PKHD1: variants seen among roughly 807,000 people sequenced by gnomAD.
PKHD1 encodes PKHD1 ciliary IPT domain containing fibrocystin/polyductin.
PKHD1 carries 291 observed loss-of-function variants against 412.0 expected under a neutral mutation model. The observed-to-expected ratio is 0.71, with a 90% CI of 0.64 to 0.78. The LOEUF (loss-of-function observed/expected upper bound fraction) is 0.78, where lower values mean the gene tolerates loss of function less well. PKHD1 is among the 30% of genes least tolerant of loss of function. The pLI is 0.00. For synonymous variants in PKHD1, 1,777 were observed against 1,821.5 expected (o/e 0.98, Z 0.62); for missense variants, 4,825 against 4,950.7 (o/e 0.97, Z 0.76).
chr6:51,810,164 CAAATGCTTTTAAAA>C (rs1208190465), intron 52 of PKHD1, among the ~76,000 whole-genome samples: 3 of 151,968 alleles, frequency 2.0e-5, no homozygotes, highest in Admixed American at 1.3e-4. Flanking sequence ...AGAAATTTAT[CAAATGCTTTTAAAA>C]AAATTGATTT....
intron 16 of PKHD1, among the ~76,000 whole-genome samples, chr6:52,057,687 T>C (rs1807975176): frequency 6.6e-6 from 1 of 152,344 alleles, no homozygotes; most frequent in African/African-American, 2.4e-5. Context: ...AGTGCTGGGA[T>C]TACATGCGTG....
chr6:51,921,697 C>T (rs1784736038), intron 37 of PKHD1, among the ~76,000 whole-genome samples: 1 of 152,042 alleles, frequency 6.6e-6, no homozygotes, highest in Non-Finnish European at 1.5e-5. Context: ...TCACTGATAC[C>T]CTTTCTTCCA....
At chr6:51,704,672 G>A (rs1307220577) in intron 60 of PKHD1, among the ~76,000 whole-genome samples, 1 of 152,030 alleles carries the variant, frequency 6.6e-6, no homozygotes, top group Non-Finnish European at 1.5e-5. Flanking sequence ...ACTAATTTGG[G>A]AGACTGGGTG....
intron 22 of PKHD1, among the ~76,000 whole-genome samples, chr6:52,049,648 G>T (rs965204897): frequency 6.6e-6 from 1 of 152,136 alleles, no homozygotes; most frequent in Non-Finnish European, 1.5e-5. Context: ...GCTAGAAATG[G>T]TTATTATGAA....
chr6:52,045,377 T>G (rs1346977692), intron 24 of PKHD1, among the ~76,000 whole-genome samples: 1 of 152,210 alleles, frequency 6.6e-6, no homozygotes, highest in Non-Finnish European at 1.5e-5. Flanking sequence ...GCTTTTCCAT[T>G]TTATATGTTT....
chr6:51,623,330 A>G (rs1766856905), intron 66 of PKHD1, among the ~76,000 whole-genome samples: 1 of 152,116 alleles, frequency 6.6e-6, no homozygotes, highest in African/African-American at 2.4e-5. Context: ...TAGGTTCAAC[A>G]TAACACTGGT....
intron 60 of PKHD1, among the ~76,000 whole-genome samples, chr6:51,696,383 CAGTAGAGCAAGG>C (rs1778805194): frequency 6.6e-6 from 1 of 152,078 alleles, no homozygotes; most frequent in South Asian, 2.1e-4. Context: ...TTCTCAGAAG[CAGTAGAGCAAGG>C]TTCACGAGAG....
At chr6:51,660,046 G>T in intron 60 of PKHD1, 77 bp from the exon 61 acceptor site, 1 of 896,168 alleles carries the variant, frequency 1.1e-6, no homozygotes, top group Non-Finnish European at 1.8e-6. Flanking sequence ...CATCACTCTT[G>T]CCATCATCTA....
At chr6:51,654,128 A>C (rs1052060025) in intron 61 of PKHD1, among the ~76,000 whole-genome samples, 3 of 152,178 alleles carry the variant, frequency 2.0e-5, no homozygotes, top group African/African-American at 4.8e-5. Context: ...ATTGAATGAT[A>C]ATTTATTGTG....
At chr6:51,774,694 T>C (rs764041269) in intron 54 of PKHD1, among the ~76,000 whole-genome samples, 24 of 151,916 alleles carry the variant, frequency 1.6e-4, no homozygotes, top group African/African-American at 4.3e-4. Flanking sequence ...CTCCACTCTA[T>C]TGAGTACTGA....
chr6:51,992,902 G>C (rs573136007), intron 35 of PKHD1, among the ~76,000 whole-genome samples: 3 of 152,336 alleles, frequency 2.0e-5, no homozygotes, highest in Non-Finnish European at 4.4e-5. Context: ...CAAGGGTCCT[G>C]GTTCAAACCT....
chr6:51,797,269 T>C (rs1454698202), intron 52 of PKHD1, among the ~76,000 whole-genome samples: 3 of 152,196 alleles, frequency 2.0e-5, no homozygotes, highest in Non-Finnish European at 2.9e-5. Flanking sequence ...GAACAAGGTA[T>C]ATGCCTTTGT....
At chr6:52,073,780 A>T (rs971683008) in intron 6 of PKHD1, among the ~76,000 whole-genome samples, 1 of 152,208 alleles carries the variant, frequency 6.6e-6, no homozygotes, top group Non-Finnish European at 1.5e-5. Context: ...TAATCTTCTA[A>T]TGCATGGAGC....
chr6:51,624,843 A>G (rs983345209), intron 66 of PKHD1, among the ~76,000 whole-genome samples: 1 of 152,234 alleles, frequency 6.6e-6, no homozygotes. Flanking sequence ...AAGTCTGTCA[A>G]CAGGGAGTCA....
Position 51,906,344 on chromosome 6 carries a change from A to C in PKHD1, c.6683-4T>G, listed in dbSNP as rs1782088988. The C allele has an allele frequency of 6.2e-7, 1 of 1,610,164 alleles. No homozygotes were observed. The highest frequency in any genetic ancestry group is 1.7e-5 in the Admixed American group (1 of 59,872). On this transcript the variant is annotated splice_polypyrimidine_tract_variant and splice_region_variant and intron_variant, in intron 40 of 66. Transcript: ENST00000371117. ...GTGCAGCCCTGTATGAAAGACTCTG[A>C]ATAGGAAAGAGTAAAGTAAAAATTA...
rs761855679 is a variant in PKHD1 at position 51,772,742 on chromosome 6, A to G, written c.8602T>C (p.Trp2868Arg). The change falls in exon 55 of 67, where the codon TGG (tryptophan) becomes CGG (arginine). Residue 2868 changes from tryptophan (W) to arginine (R), a missense_variant. Transcript: ENST00000371117. ...GCAATATCAGCTCCAAGATGTGTCC[A>G]GGAGTTCTTAGGATAAGCACTGTAA... is the stretch of plus-strand genomic sequence containing the variant. ...HLYSAYPKNS[W>R]THLGADIASG... 3 of 1,599,810 alleles carry G rather than the reference A, an allele frequency of 1.9e-6. No homozygotes were observed. The highest frequency in any genetic ancestry group is 2.6e-6 in the Non-Finnish European group (3 of 1,167,454).
chr6:51,696,367 G>T (rs1259045687), intron 60 of PKHD1, among the ~76,000 whole-genome samples: 2 of 152,130 alleles, frequency 1.3e-5, no homozygotes, highest in East Asian at 3.9e-4. Context: ...GCTTCCAGAA[G>T]GTTAGTTCTC....
At chr6:52,002,954 T>C (rs1361494168) in intron 35 of PKHD1, among the ~76,000 whole-genome samples, 2 of 152,164 alleles carry the variant, frequency 1.3e-5, no homozygotes, top group Non-Finnish European at 2.9e-5. Flanking sequence ...AGTACAGACA[T>C]ATATGCCTTC....
Position 51,975,963 on chromosome 6 carries a change from T to TGAAAAAAAAAAAAA in PKHD1, c.5752-15938_5752-15937insTTTTTTTTTTTTTC, listed in dbSNP as rs1231391714. On this transcript the variant is annotated intron_variant, in intron 35 of 66. Coordinates refer to ENST00000371117, the MANE Select transcript of PKHD1 (RefSeq NM_138694.4). ...AACATAGCGAGACCCTTTCTCTAAT[T>TGAAAAAAAAAAAAA]AAAAAAAAAAAAAAAAAAAAAAAAA... 18 of 69,780 alleles carry TGAAAAAAAAAAAAA rather than the reference T, an allele frequency of 2.6e-4. 1 individual carries two copies. The highest frequency in any genetic ancestry group is 7.6e-4 in the African/African-American group (14 of 18,510). 4.3% of individuals were successfully genotyped at this position (69,780 alleles called of 1,614,324 possible).
Sources: allele counts gnomAD v4.1 joint callset (sites outside exome capture counted in the v4.1 genomes callset), GRCh38; gene constraint gnomAD v4.1.1; transcripts MANE v1.5; gene names NCBI Gene and HGNC (gene_info 2026-07-23, HGNC 2026-07-21).